Variants in AFP observed in about 807,000 individuals in gnomAD.
AFP encodes alpha fetoprotein.
A neutral mutation model predicts 78.9 loss-of-function variants in AFP; 64 were observed. The ratio of observed to expected loss-of-function variants is 0.81; its 90% CI spans 0.66 to 1.00. The LOEUF (loss-of-function observed/expected upper bound fraction) is 1.00. Ranked by LOEUF, AFP falls within the 50% of genes least tolerant of loss-of-function variation. The pLI, the probability that AFP is intolerant of heterozygous loss-of-function variation, is 0.00. For missense variants in AFP, 689 were observed against 703.8 expected, an observed-to-expected ratio of 0.98 and a Z score of 0.24; for synonymous variants, 254 against 243.8, an observed-to-expected ratio of 1.04 and a Z score of -0.39.
rs888626092 is a variant in AFP at position 73,450,859 on chromosome 4, G to C, written c.1428+106G>C. ...GACGGTAAAAACCAATGTAGAGATG[G>C]CCTTAGGAGGCTTGTTTGATTAGTC... On this transcript the variant is annotated intron_variant, in intron 11 of 14. Coordinates refer to ENST00000395792, the MANE Select transcript of AFP (RefSeq NM_001134.3). 3.2e-6 allele frequency: 5 copies of C among 1,568,470 alleles called. No homozygotes were observed. The African/African-American group carries it at 6.8e-5, about 21-fold the overall frequency.
chr4:73,448,074 T>C (rs997272561), intron 8 of AFP, among the ~76,000 whole-genome samples: 5 of 148,892 alleles, frequency 3.4e-5, no homozygotes, highest in Non-Finnish European at 7.5e-5. Context: ...CTACGCATGT[T>C]AAAAAAAAAA....
chr4:73,453,684 A>G lies in AFP; in HGVS notation c.1653-81A>G, dbSNP rs138049976. 1,028 of 1,541,452 alleles carry G rather than the reference A, an allele frequency of 6.7e-4. 5 individuals carry two copies. The African/African-American group carries it at 0.013, about 19-fold the overall frequency. ...GATGGAGTAAGGGTTTAGGCTCTGAAAATTCTCTACTAGGAAGGCTGTAGA... is the reference window on the plus strand; with the variant it reads ...GATGGAGTAAGGGTTTAGGCTCTGAGAATTCTCTACTAGGAAGGCTGTAGA... On this transcript the variant is annotated intron_variant, in intron 12 of 14. Transcript: ENST00000395792.
rs1292825731 is a variant in AFP at position 73,455,742 on chromosome 4, T to C, written c.*122T>C. ...AAATGATAAAGACTTTTATGTGAGA[T>C]TTCCTTATCACAGAAATAAAATATC... On this transcript the variant is annotated 3_prime_UTR_variant, in exon 15 of 15. Coordinates refer to ENST00000395792, the MANE Select transcript of AFP (RefSeq NM_001134.3). 2 of 657,540 alleles carry C rather than the reference T, an allele frequency of 3.0e-6. No homozygotes were observed. Among genetic ancestry groups the C allele is most frequent in the Non-Finnish European group, 2.7e-6 (1 of 369,770 alleles). The allele number at this position is 657,540 out of a possible 1,614,324, so 40.7% of individuals were successfully genotyped here. A position where few individuals can be genotyped will look rare whatever the true frequency, so the allele number is the denominator to read the frequency against.
intron 6 of AFP, among the ~76,000 whole-genome samples, chr4:73,443,865 T>A (rs1719746741): frequency 6.6e-6 from 1 of 152,184 alleles, no homozygotes; most frequent in Non-Finnish European, 1.5e-5. Flanking sequence ...TAATCTTCTA[T>A]AAGGCTCTTT....
At chr4:73,448,837 A>G (rs1451032693) in intron 8 of AFP, among the ~76,000 whole-genome samples, 6 of 152,080 alleles carry the variant, frequency 3.9e-5, no homozygotes, top group Non-Finnish European at 8.8e-5. Context: ...GACCACATTC[A>G]AAGTTAGTGG....
chr4:73,442,440 G>A lies in AFP; in HGVS notation c.615+12G>A, dbSNP rs776200576. The A allele has an allele frequency of 6.8e-6, 11 of 1,613,846 alleles. No homozygotes were observed. In the Admixed American group the frequency reaches 1.0e-4, roughly 15 times the overall value. On this transcript the variant is annotated intron_variant, in intron 5 of 14. Coordinates refer to ENST00000395792, the MANE Select transcript of AFP (RefSeq NM_001134.3). ...GCTTCCAAACAAAGGTATCATATTTGCGTGGATATCTGAACCAGTACTGTA... is the reference window on the plus strand; with the variant it reads ...GCTTCCAAACAAAGGTATCATATTTACGTGGATATCTGAACCAGTACTGTA...
At chr4:73,450,443 TG>T in intron 10 of AFP, 171 bp from the exon 11 acceptor site, 1 of 827,226 alleles carries the variant, frequency 1.2e-6, no homozygotes, top group South Asian at 1.7e-5. Flanking sequence ...GTACAGGGAG[TG>T]GTTGTTAGAG....
intron 2 of AFP, 76 bp downstream of exon 2, chr4:73,437,287 C>T: frequency 1.6e-6 from 2 of 1,218,768 alleles, no homozygotes; most frequent in Non-Finnish European, 2.4e-6. Context: ...AATTGGGTAC[C>T]CCTGTGAGCT....
chr4:73,440,751 A>G lies in AFP; in HGVS notation c.420A>G (p.Gln140=). 1 of 1,614,204 alleles carries G rather than the reference A, an allele frequency of 6.2e-7. No individual in the cohort carries two copies. The highest frequency in any genetic ancestry group is 1.1e-5 in the South Asian group (1 of 91,084). Reference sequence around the variant, plus strand: ...CTCCAGCATCGATCCCACTTTTCCAAGTTCCAGAACCTGTCACAAGCTGTG... The same window carrying G: ...CTCCAGCATCGATCCCACTTTTCCAGGTTCCAGAACCTGTCACAAGCTGTG... ...KPTPASIPLF[Q]VPEPVTSCEA... The change falls in exon 4 of 15, where the codon CAA becomes CAG. Residue 140 remains glutamine, a synonymous_variant. Coordinates refer to ENST00000395792, the MANE Select transcript of AFP (RefSeq NM_001134.3).
intron 3 of AFP, among the ~76,000 whole-genome samples, chr4:73,439,047 A>T (rs1199905084): frequency 6.6e-6 from 1 of 152,174 alleles, no homozygotes. Flanking sequence ...TAAGATGCAT[A>T]GCACATCGTT....
At chr4:73,439,046 T>C (rs993977342) in intron 3 of AFP, among the ~76,000 whole-genome samples, 8 of 152,136 alleles carry the variant, frequency 5.3e-5, no homozygotes, top group Non-Finnish European at 1.0e-4. Flanking sequence ...GTAAGATGCA[T>C]AGCACATCGT....
At chr4:73,447,372 T>C in intron 7 of AFP, 90 bp from the exon 8 acceptor site, 2 of 879,418 alleles carry the variant, frequency 2.3e-6, no homozygotes, top group South Asian at 3.9e-5. Flanking sequence ...TCTCCCTCCC[T>C]CCCCTTTCTT....
chr4:73,451,701 C>T (rs1351104005), intron 11 of AFP, among the ~76,000 whole-genome samples: 2 of 152,150 alleles, frequency 1.3e-5, no homozygotes, highest in Non-Finnish European at 2.9e-5. Context: ...TGAGTTTTTT[C>T]ATCTGACATT....
chr4:73,449,838 T>C (rs1262009509), intron 9 of AFP, among the ~76,000 whole-genome samples, 198 bp from the exon 10 acceptor site: 1 of 152,200 alleles, frequency 6.6e-6, no homozygotes, highest in Non-Finnish European at 1.5e-5. Context: ...CATTAAATGA[T>C]TTTGTGATTT....
intron 5 of AFP, among the ~76,000 whole-genome samples, chr4:73,442,968 C>T (rs1041145419): frequency 2.0e-5 from 3 of 152,082 alleles, no homozygotes; most frequent in Non-Finnish European, 4.4e-5. Context: ...TTCCTGAGAA[C>T]TGACTACTCT....
intron 12 of AFP, 66 bp downstream of exon 12, chr4:73,452,690 C>T: frequency 1.6e-6 from 2 of 1,238,900 alleles, no homozygotes; most frequent in Non-Finnish European, 2.3e-6. Context: ...GAGACTTCTA[C>T]CTCGCTCACC....
intron 10 of AFP, 105 bp downstream of exon 10, chr4:73,450,238 T>A: frequency 1.0e-6 from 1 of 963,458 alleles, no homozygotes; most frequent in Non-Finnish European, 1.6e-6. Context: ...CTGTGAGGTC[T>A]GATCTGTGGT....
At chr4:73,443,539 A>G (rs1719736066) in intron 6 of AFP, 95 bp downstream of exon 6, 22 of 903,512 alleles carry the variant, frequency 2.4e-5, no homozygotes, top group Non-Finnish European at 3.7e-5. Context: ...TGTTTTAGAG[A>G]ATGAAGACCC....
At chr4:73,451,489 G>T (rs1217755924) in intron 11 of AFP, among the ~76,000 whole-genome samples, 2 of 152,218 alleles carry the variant, frequency 1.3e-5, no homozygotes, top group Non-Finnish European at 2.9e-5. Context: ...TTCCCCAAAG[G>T]TTAAGAGTAA....
Sources: gnomAD v4.1 joint callset for allele counts (sites outside exome capture counted in the v4.1 genomes callset) on GRCh38, gnomAD v4.1.1 for gene constraint, MANE v1.5 for transcripts, NCBI Gene and HGNC (gene_info 2026-07-23, HGNC 2026-07-21) for gene names.